The following NOD1 variants were observed in gnomAD, a reference collection of about 807,000 sequenced individuals.
NOD1 encodes the protein nucleotide-binding oligomerization domain-containing protein 1.
NOD1 carries 70 observed loss-of-function variants against 81.2 expected under a neutral mutation model. That is an observed-to-expected ratio of 0.86 (90% confidence interval 0.71 to 1.05). The LOEUF (loss-of-function observed/expected upper bound fraction) is 1.05. Ranked by LOEUF, NOD1 falls within the 50% of genes least tolerant of loss-of-function variation. NOD1 has a pLI of 0.00. For synonymous variants in NOD1, 508 were observed against 526.9 expected, an observed-to-expected ratio of 0.96 and a Z score of 0.49; for missense variants, 1,233 against 1,228.0, an observed-to-expected ratio of 1.00 and a Z score of -0.06.
Position 30,446,001 on chromosome 7 carries a change from G to A in NOD1, c.2453+140C>T, listed in dbSNP as rs5743358. 274 of 702,032 alleles carry A rather than the reference G, an allele frequency of 3.9e-4. No homozygotes were observed. The African/African-American group carries it at 4.5e-3, about 11-fold the overall frequency. 43.5% of individuals were successfully genotyped at this position (702,032 alleles called of 1,614,324 possible). A position where few individuals can be genotyped will look rare whatever the true frequency, so the allele number is the denominator to read the frequency against. ...GGGCACGGTTTCAGTTTCGCAGCAT[G>A]GTGAAAGCTCTCCACTATCTCTCCC... On this transcript the variant is annotated intron_variant, in intron 9 of 13. Coordinates refer to ENST00000222823, the MANE Select transcript of NOD1 (RefSeq NM_006092.4).
chr7:30,445,261 TAAAAA>T (rs1200166279), intron 9 of NOD1, among the ~76,000 whole-genome samples: 2 of 19,532 alleles, frequency 1.0e-4, no homozygotes, highest in Non-Finnish European at 1.9e-4. Context: ...TAGAGTATAA[TAAAAA>T]AAAAAAGAAT....
At chr7:30,469,256 C>T (rs1362039049) in intron 1 of NOD1, 1 of 984,590 alleles carries the variant, frequency 1.0e-6, no homozygotes, top group African/African-American at 1.7e-5. Flanking sequence ...ATGGATGAAG[C>T]TACAATTATT....
In NOD1 at chr7:30,452,521, G is replaced by A; in HGVS notation, c.896C>T (p.Pro299Leu). 4 of 1,613,184 alleles carry A rather than the reference G, an allele frequency of 2.5e-6. No homozygotes were observed. Among genetic ancestry groups the A allele is most frequent in the Non-Finnish European group, 3.4e-6 (4 of 1,179,972 alleles). ...LHSDLDLSRV[P>L]DSSCPWEPAH... ...AGGCTCCCAGGGGCAGGAGCTGTCAGGCACGCGGCTCAGGTCCAAGTCCGA... is the reference window on the plus strand; with the variant it reads ...AGGCTCCCAGGGGCAGGAGCTGTCAAGCACGCGGCTCAGGTCCAAGTCCGA... The change falls in exon 6 of 14, where the codon CCT becomes CTT. Residue 299 changes from proline (P) to leucine (L), a missense_variant. By Grantham distance (98) the Pro-to-Leu change is moderately conservative. Transcript: ENST00000222823.
chr7:30,460,242 A>G (rs1231838433), intron 1 of NOD1: 1 of 985,334 alleles, frequency 1.0e-6, no homozygotes, highest in Non-Finnish European at 1.2e-6. Context: ...GACCAAAACC[A>G]TACCATGGGA....
In NOD1 at chr7:30,451,430, G is replaced by C; in HGVS notation, c.1987C>G (p.Gln663Glu). 1 of 1,613,790 alleles carries C rather than the reference G, an allele frequency of 6.2e-7. No homozygotes were observed. The change falls in exon 6 of 14, where the codon CAG becomes GAG. Residue 663 changes from glutamine to glutamate, a missense_variant. By Grantham distance (29) the Gln-to-Glu change is conservative. Transcript: ENST00000222823. The surrounding 1 kb of genome is among the most constrained non-coding windows in gnomAD (Gnocchi z 4.2). Reference protein sequence around the residue: ...IWMLRCIYETQSQKVGQLAAR... With the variant: ...IWMLRCIYETESQKVGQLAAR... Reference sequence around the variant, plus strand: ...GCCAGCTGCCCCACCTTCTGGCTCTGTGTCTCGTAGATGCAGCGCAGCATC... The same window carrying C: ...GCCAGCTGCCCCACCTTCTGGCTCTCTGTCTCGTAGATGCAGCGCAGCATC...
chr7:30,437,489 G>A, intron 10 of NOD1, 84 bp downstream of exon 10: 1 of 821,858 alleles, frequency 1.2e-6, no homozygotes, highest in Non-Finnish European at 1.8e-6. Context: ...CTTCTATTAG[G>A]AGCACGAATC....
intron 5 of NOD1, among the ~76,000 whole-genome samples, chr7:30,454,748 TC>T (rs1288396825): frequency 6.6e-6 from 1 of 152,148 alleles, no homozygotes; most frequent in Non-Finnish European, 1.5e-5. Context: ...TCCTCTTGCC[TC>T]AGCCTCCTGA....
chr7:30,476,389 G>A (rs2128113406), intron 1 of NOD1, among the ~76,000 whole-genome samples: 1 of 152,256 alleles, frequency 6.6e-6, no homozygotes, highest in Middle Eastern at 3.4e-3. Flanking sequence ...CACGTACCAG[G>A]GTAAAGTTCC....
chr7:30,446,927 A>C, intron 8 of NOD1, 40 bp downstream of exon 8: 1 of 1,491,952 alleles, frequency 6.7e-7, no homozygotes. Flanking sequence ...GGGGGTGATC[A>C]AGAGAATATA....
intron 10 of NOD1, among the ~76,000 whole-genome samples, chr7:30,436,664 A>C (rs1784407513): frequency 6.6e-6 from 1 of 152,202 alleles, no homozygotes; most frequent in Non-Finnish European, 1.5e-5. Context: ...CATCTTATTA[A>C]GTTTCATCTG....
intron 6 of NOD1, among the ~76,000 whole-genome samples, chr7:30,448,708 C>G (rs1785380458): frequency 6.6e-6 from 1 of 152,160 alleles, no homozygotes; most frequent in Admixed American, 6.5e-5. Flanking sequence ...TCAGCCAGAC[C>G]CTGTACCTGG....
chr7:30,451,548 G>GT lies in NOD1; in HGVS notation c.1868dup (p.His623GlnfsTer120). On this transcript the variant is annotated frameshift_variant, in exon 6 of 14. Transcript: ENST00000222823. LOFTEE classifies it high-confidence loss of function. The surrounding 1 kb of genome is among the most constrained non-coding windows in gnomAD (Gnocchi z 4.2). ...GGTAGCCCCGCAGGCTGGAAAACAG[G>GT]TGTGCCCACAGGGCCTTGCGCTTTC... 1 of 1,613,260 alleles carries GT rather than the reference G, an allele frequency of 6.2e-7. No homozygotes were observed. The highest frequency in any genetic ancestry group is 8.5e-7 in the Non-Finnish European group (1 of 1,179,774).
chr7:30,438,450 AG>A (rs1784577386), intron 9 of NOD1, among the ~76,000 whole-genome samples: 1 of 152,262 alleles, frequency 6.6e-6, no homozygotes, highest in African/African-American at 2.4e-5. Context: ...CTGAGTTAAC[AG>A]AAGCAAAGCA....
chr7:30,460,713 G>A, intron 1 of NOD1: 1 of 982,460 alleles, frequency 1.0e-6, no homozygotes. Context: ...CCTGTGGGCA[G>A]TGAGGGAGCC....
At position 30,459,933 on chromosome 7, in the gene NOD1, T is replaced by C. The variant is rs1369481733; in HGVS notation, c.-243A>G. The stretch of plus-strand genomic sequence containing the variant: ...GTCTCTTCCAAGCCTGCGATTCCCA[T>C]AAAAACAGCAACTTGTCTTCCCAGA... On this transcript the variant is annotated 5_prime_UTR_variant, in exon 2 of 14. The change abolishes an upstream ATG in the 5' untranslated region. Transcript: ENST00000222823. 1 of 152,720 alleles carries C rather than the reference T, an allele frequency of 6.5e-6. No individual in the cohort carries two copies. The highest frequency in any genetic ancestry group is 1.5e-5 in the Non-Finnish European group (1 of 68,118). 9.5% of individuals were successfully genotyped at this position (152,720 alleles called of 1,614,324 possible).
chr7:30,448,497 C>G (rs1389685270), intron 6 of NOD1, 116 bp from the exon 7 acceptor site: 2 of 861,410 alleles, frequency 2.3e-6, no homozygotes, highest in African/African-American at 3.4e-5. Flanking sequence ...GGTATAGACG[C>G]CCCTGGAGAA....
intron 12 of NOD1, among the ~76,000 whole-genome samples, chr7:30,432,105 C>T (rs1050008177): frequency 6.6e-6 from 1 of 151,108 alleles, no homozygotes; most frequent in South Asian, 2.1e-4. Flanking sequence ...GACTCCATCT[C>T]AAAAAAAACA....
At position 30,452,544 on chromosome 7, in the gene NOD1, C is replaced by T. The variant is rs555848797; in HGVS notation, c.873G>A (p.Ser291=). Residue 291 remains serine (S), a synonymous_variant, in exon 6 of 14, where the codon TCG becomes TCA. Coordinates refer to ENST00000222823, the MANE Select transcript of NOD1 (RefSeq NM_006092.4). The part of the protein sequence containing the change: ...FTFDGLDELH[S]DLDLSRVPDS... ...CAGGCACGCGGCTCAGGTCCAAGTC[C>T]GAGTGCAGCTCGTCCAGGCCATCGA... is the stretch of plus-strand genomic sequence containing the variant. 11 of 1,613,064 alleles carry T rather than the reference C, an allele frequency of 6.8e-6. No homozygotes were observed. The highest frequency in any genetic ancestry group is 1.6e-4 in the Middle Eastern group (1 of 6,084).
At chr7:30,455,590 C>CTTTT (rs34626585) in intron 4 of NOD1, among the ~76,000 whole-genome samples, 15 of 143,072 alleles carry the variant, frequency 1.0e-4, no homozygotes, top group Non-Finnish European at 1.1e-4. Flanking sequence ...TTCTCTACCT[C>CTTTT]TTTTTTTTTT....
Sources: allele counts gnomAD v4.1 joint callset (sites outside exome capture counted in the v4.1 genomes callset), GRCh38; gene constraint gnomAD v4.1.1; non-coding constraint Gnocchi (gnomAD v3.1); transcripts MANE v1.5; gene names NCBI Gene and HGNC (gene_info 2026-07-23, HGNC 2026-07-21).